The following CCSER1 variants were observed in gnomAD, a reference collection of about 807,000 sequenced individuals.
The protein encoded by CCSER1 is coiled-coil serine rich protein 1, also known as serine-rich coiled-coil domain-containing protein 1.
CCSER1 carries 41 observed loss-of-function variants against 82.0 expected under a neutral mutation model. The observed-to-expected ratio is 0.50, with a 90% CI of 0.39 to 0.65. CCSER1 has a LOEUF of 0.65. Ranked by LOEUF, CCSER1 falls within the 30% of genes least tolerant of loss-of-function variation. The pLI, the probability that CCSER1 is intolerant of heterozygous loss-of-function variation, is 0.00. For missense variants in CCSER1, 1,119 were observed against 1,064.2 expected, an observed-to-expected ratio of 1.05 and a Z score of -0.72; for synonymous variants, 414 against 383.9, an observed-to-expected ratio of 1.08 and a Z score of -0.92.
intron 1 of CCSER1, among the ~76,000 whole-genome samples, chr4:90,197,837 A>T (rs536594966): frequency 6.6e-6 from 1 of 152,056 alleles, no homozygotes; most frequent in African/African-American, 2.4e-5. Flanking sequence ...ACAAAAAAAA[A>T]AATAGAATGA....
chr4:90,196,326 G>T (rs1578430709), intron 1 of CCSER1, among the ~76,000 whole-genome samples: 1 of 151,982 alleles, frequency 6.6e-6, no homozygotes, highest in African/African-American at 2.4e-5. Context: ...AGTCTGTAAC[G>T]TACTGTCCAG....
intron 10 of CCSER1, among the ~76,000 whole-genome samples, chr4:91,280,459 A>T (rs1742829746): frequency 6.6e-6 from 1 of 151,982 alleles, no homozygotes; most frequent in Non-Finnish European, 1.5e-5. Flanking sequence ...GCCAGCTGTG[A>T]TGGTAGTTAT....
intron 9 of CCSER1, among the ~76,000 whole-genome samples, chr4:90,982,304 G>C (rs1183494891): frequency 6.6e-6 from 1 of 151,548 alleles, no homozygotes; most frequent in South Asian, 2.1e-4. Flanking sequence ...ATTTCATCAC[G>C]GAGGCTCCAC....
intron 1 of CCSER1, among the ~76,000 whole-genome samples, chr4:90,194,262 G>A (rs925675022): frequency 3.9e-5 from 6 of 151,960 alleles, no homozygotes; most frequent in Admixed American, 6.6e-5. Flanking sequence ...CTGTAAAGTA[G>A]GCATACTATT....
chr4:90,398,125 A>G (rs1476043367), intron 3 of CCSER1, among the ~76,000 whole-genome samples: 1 of 152,152 alleles, frequency 6.6e-6, no homozygotes, highest in Non-Finnish European at 1.5e-5. Flanking sequence ...CCCTCTGTGA[A>G]TTCACATGGT....
chr4:90,995,633 A>T (rs1009547412), intron 9 of CCSER1, among the ~76,000 whole-genome samples: 1 of 152,128 alleles, frequency 6.6e-6, no homozygotes, highest in Non-Finnish European at 1.5e-5. Context: ...TTATTACAAA[A>T]TTTTTTAAAG....
intron 10 of CCSER1, among the ~76,000 whole-genome samples, chr4:91,477,479 ATT>A (rs902492025): frequency 8.6e-5 from 13 of 151,552 alleles, no homozygotes; most frequent in African/African-American, 3.1e-4. Context: ...TATAGCTCCA[ATT>A]TTTTTTATTA....
Position 91,356,574 on chromosome 4 carries a change from T to C in CCSER1, c.2218-241998T>C, listed in dbSNP as rs548412445. Among the ~76,000 whole-genome samples, 51 of 152,216 alleles carry C rather than the reference T, an allele frequency of 3.4e-4. 1 individual carries two copies. In the Middle Eastern group the frequency reaches 0.01, roughly 30 times the overall value. On this transcript the variant is annotated intron_variant, in intron 10 of 10. Transcript: ENST00000509176. ...TGGCTGATGAAATGCCAGGGTGAAA[T>C]GGATAGCCAAATGGACTAAAGCACA...
chr4:91,422,766 A>G (rs1245491007), intron 10 of CCSER1, among the ~76,000 whole-genome samples: 2 of 152,182 alleles, frequency 1.3e-5, no homozygotes, highest in Non-Finnish European at 2.9e-5. Context: ...GTAAATCACC[A>G]AAAAGAAGCA....
chr4:90,197,876 A>G (rs1162192619), intron 1 of CCSER1, among the ~76,000 whole-genome samples: 1 of 152,116 alleles, frequency 6.6e-6, no homozygotes, highest in African/African-American at 2.4e-5. Context: ...TATAGGCACA[A>G]CAGGGTGCTC....
chr4:90,834,961 T>C (rs1234811368), intron 8 of CCSER1, among the ~76,000 whole-genome samples: 2 of 152,216 alleles, frequency 1.3e-5, no homozygotes, highest in African/African-American at 4.8e-5. Flanking sequence ...TTTTCAAATG[T>C]TTCTAATATT....
chr4:90,249,488 C>G (rs1364781303), intron 1 of CCSER1, among the ~76,000 whole-genome samples: 1 of 151,994 alleles, frequency 6.6e-6, no homozygotes, highest in Non-Finnish European at 1.5e-5. Context: ...TAGCAATCAC[C>G]CACAATATTC....
At chr4:90,621,704 T>G (rs969986772) in intron 5 of CCSER1, among the ~76,000 whole-genome samples, 1 of 152,242 alleles carries the variant, frequency 6.6e-6, no homozygotes, top group Non-Finnish European at 1.5e-5. Flanking sequence ...GACATGTTTT[T>G]CAGAGTCTGT....
At position 91,361,212 on chromosome 4, in the gene CCSER1, T is replaced by A. The variant is rs191780308; in HGVS notation, c.2218-237360T>A. On this transcript the variant is annotated intron_variant, in intron 10 of 10. Transcript: ENST00000509176. ...CTTGGTCATTAATTTCACAGAAACA[T>A]ATATTAAGGTATTCATTAAATCTCA... Among the ~76,000 whole-genome samples, 77 of 151,926 alleles carry A rather than the reference T, an allele frequency of 5.1e-4. 3 individuals carry two copies. Among genetic ancestry groups the A allele is most frequent in the Non-Finnish European group, 4.9e-4 (33 of 67,852 alleles).
intron 3 of CCSER1, among the ~76,000 whole-genome samples, chr4:90,388,430 C>A (rs548284832): frequency 6.6e-6 from 1 of 151,952 alleles, no homozygotes; most frequent in Non-Finnish European, 1.5e-5. Context: ...CTGCCTCAGC[C>A]TCCTGAGTAG....
At chr4:91,179,976 A>C (rs891747830) in intron 10 of CCSER1, among the ~76,000 whole-genome samples, 3 of 152,212 alleles carry the variant, frequency 2.0e-5, no homozygotes, top group Admixed American at 6.5e-5. Flanking sequence ...GGTGATGTAC[A>C]GATGGGGTTT....
rs568793702 is a variant in CCSER1 at position 90,228,634 on chromosome 4, G to A, written c.-41-79610G>A. Among the ~76,000 whole-genome samples the A allele has an allele frequency of 1.4e-4, 22 of 152,312 alleles. No individual in the cohort carries two copies. The East Asian group carries it at 1.7e-3, about 12-fold the overall frequency. On this transcript the variant is annotated intron_variant, in intron 1 of 10. Coordinates refer to ENST00000509176, the MANE Select transcript of CCSER1 (RefSeq NM_001145065.2). ...AAGCTGGACGGAGAATGACTTTGAC[G>A]AGCTGAGAGAAGAAGGCTTCAGATG...
chr4:91,532,364 T>G lies in CCSER1; in HGVS notation c.2218-66208T>G, dbSNP rs1159833441. Among the ~76,000 whole-genome samples, 3 of 152,076 alleles carry G rather than the reference T, an allele frequency of 2.0e-5. 1 individual carries two copies. Among genetic ancestry groups the G allele is most frequent in the South Asian group, 4.1e-4 (2 of 4,832 alleles). On this transcript the variant is annotated intron_variant, in intron 10 of 10. Coordinates refer to ENST00000509176, the MANE Select transcript of CCSER1 (RefSeq NM_001145065.2). ...CTGTAATTCTCTAATGGTTTGGAAT[T>G]ATTCATCTAGCTATAAATATAGTCT...
At chr4:91,571,184 A>G (rs1462910925) in intron 10 of CCSER1, among the ~76,000 whole-genome samples, 1 of 152,160 alleles carries the variant, frequency 6.6e-6, no homozygotes, top group Admixed American at 6.5e-5. Flanking sequence ...GAAGATCCAA[A>G]CTTTGCCACA....
Sources: gnomAD v4.1 joint callset for allele counts (sites outside exome capture counted in the v4.1 genomes callset) on GRCh38, gnomAD v4.1.1 for gene constraint, MANE v1.5 for transcripts, NCBI Gene and HGNC (gene_info 2026-07-23, HGNC 2026-07-21) for gene names.